ZNF142: variants seen among roughly 807,000 people sequenced by gnomAD.
ZNF142 encodes zinc finger protein 142.
A neutral mutation model predicts 132.1 loss-of-function variants in ZNF142; 96 were observed. The observed-to-expected ratio is 0.73, with a 90% CI of 0.62 to 0.86. The LOEUF (loss-of-function observed/expected upper bound fraction) is 0.86. ZNF142 is among the 40% of genes least tolerant of loss of function. The pLI is 0.00. For synonymous variants in ZNF142, 842 were observed against 890.1 expected, an observed-to-expected ratio of 0.95 and a Z score of 0.96; for missense variants, 2,163 against 2,336.2, an observed-to-expected ratio of 0.93 and a Z score of 1.53.
Position 218,650,380 on chromosome 2 carries a change from G to A in ZNF142, c.1027C>T (p.Gln343Ter), listed in dbSNP as rs181627115. The stretch of plus-strand genomic sequence containing the variant: ...TTACCTTCCAGCCGCTGAGCCCCTT[G>A]GCCTTTATCCACAGCCTTTTGGGAG... ...KDSQKAVDKG[Q>*]GAQRLEGDVV... Residue 343 changes from glutamine to a stop codon, truncating the protein, a stop_gained, in exon 6 of 11, where the codon CAA (glutamine) becomes TAA (stop). Transcript: ENST00000411696. LOFTEE classifies it high-confidence loss of function. The A allele has an allele frequency of 6.2e-7, 1 of 1,614,012 alleles. No individual in the cohort carries two copies. The highest frequency in any genetic ancestry group is 8.5e-7 in the Non-Finnish European group (1 of 1,180,026).
intron 8 of ZNF142, among the ~76,000 whole-genome samples, chr2:218,645,370 A>C (rs1414021193): frequency 6.6e-6 from 1 of 152,196 alleles, no homozygotes; most frequent in Non-Finnish European, 1.5e-5. Context: ...GAAAGTAATC[A>C]TGAATCAGCA....
rs760889570 is a variant in ZNF142, at chr2:218,642,872, A to G, written c.4244T>C (p.Leu1415Ser). 1.9e-6 allele frequency: 3 copies of G among 1,613,960 alleles called. No homozygotes were observed. The highest frequency in any genetic ancestry group is 2.5e-6 in the Non-Finnish European group (3 of 1,180,024). Residue 1415 changes from leucine to serine, a missense_variant, in exon 9 of 11, where the codon TTA (leucine) becomes TCA (serine). Physicochemically the swap from Leu to Ser is moderately radical, Grantham distance 145. Around this residue, in one of 7 missense-constraint regions of ZNF142, gnomAD observed 809 missense variants for 801.7 expected, o/e 1.01. Coordinates refer to ENST00000411696, the MANE Select transcript of ZNF142 (RefSeq NM_001379659.1). This position sits in a 1 kb window ranked among gnomAD's most constrained non-coding sequence, Gnocchi z 4.6. ...TGTGTGTCGGGACTGGTGAGCCTCTAACCGGTACCGTCTGGTGGTCGAAAA... is the reference window on the plus strand; with the variant it reads ...TGTGTGTCGGGACTGGTGAGCCTCTGACCGGTACCGTCTGGTGGTCGAAAA... ...CDFSTTRRYRLEAHQSRHTGI... is the reference protein window; with the variant it reads ...CDFSTTRRYRSEAHQSRHTGI...
chr2:218,641,127 CAG>C (rs1697148701), intron 9 of ZNF142, among the ~76,000 whole-genome samples: 1 of 152,126 alleles, frequency 6.6e-6, no homozygotes, highest in Middle Eastern at 3.4e-3. Context: ...TTTGTAAAGA[CAG>C]AGTCTCCATA....
At chr2:218,640,638 G>C (rs1250691084) in intron 10 of ZNF142, 26 bp downstream of exon 10, 1 of 1,607,014 alleles carries the variant, frequency 6.2e-7, no homozygotes. Context: ...GAACCCTTCA[G>C]GCCTGTCGAA....
In ZNF142 at chr2:218,649,150, T is replaced by C. The variant is rs1937736017; in HGVS notation, c.1358A>G (p.Tyr453Cys). 1.9e-6 allele frequency: 3 copies of C among 1,614,172 alleles called. No individual in the cohort carries two copies. The highest frequency in any genetic ancestry group is 2.5e-6 in the Non-Finnish European group (3 of 1,180,026). ...TTCCTCACGGCAGACAGGACAGGCA[T>C]AGGTGTCTGAGTAGAAGTTGGAAAT... is the stretch of plus-strand genomic sequence containing the variant. ...EDISNFYSDTYACPVCREEFR... is the reference protein window; with the variant it reads ...EDISNFYSDTCACPVCREEFR... The change falls in exon 7 of 11, where the codon TAT (tyrosine) becomes TGT (cysteine). Residue 453 changes from tyrosine to cysteine, a missense_variant. Around this residue, in one of 7 missense-constraint regions of ZNF142, gnomAD observed 749 missense variants for 830.3 expected, o/e 0.90. Transcript: ENST00000411696.
At chr2:218,641,839 A>G (rs1697220402) in intron 9 of ZNF142, among the ~76,000 whole-genome samples, 189 bp downstream of exon 9, 1 of 152,252 alleles carries the variant, frequency 6.6e-6, no homozygotes, top group African/African-American at 2.4e-5. Context: ...ATGGAACTTT[A>G]TCTTTACAAC....
intron 7 of ZNF142, 63 bp from the exon 8 acceptor site, chr2:218,646,411 C>A (rs1390248743): frequency 1.9e-6 from 3 of 1,567,560 alleles, no homozygotes; most frequent in East Asian, 4.5e-5. Flanking sequence ...AGTGGACAGA[C>A]CATTTCTTCC....
At chr2:218,650,803 G>C (rs1427588732) in intron 5 of ZNF142, among the ~76,000 whole-genome samples, 4 of 152,132 alleles carry the variant, frequency 2.6e-5, no homozygotes, top group African/African-American at 9.7e-5. Context: ...GAGGTCATAG[G>C]GGGCTGAAAG....
At position 218,642,162 on chromosome 2, in the gene ZNF142, A is replaced by G; in HGVS notation, c.4954T>C (p.Tyr1652His). The change falls in exon 9 of 11, where the codon TAC (tyrosine) becomes CAC (histidine). Residue 1652 changes from tyrosine to histidine, a missense_variant. Coordinates refer to ENST00000411696, the MANE Select transcript of ZNF142 (RefSeq NM_001379659.1). This position sits in a 1 kb window ranked among gnomAD's most constrained non-coding sequence, Gnocchi z 4.6. ...HVKGHGGTRL[Y>H]KCTDCAYSTK... ...CTGTAAGCACAATCGGTGCACTTGTAGAGACGAGTGCCCCCATGCCCTTTC... is the reference window on the plus strand; with the variant it reads ...CTGTAAGCACAATCGGTGCACTTGTGGAGACGAGTGCCCCCATGCCCTTTC... 1.2e-6 allele frequency: 2 copies of G among 1,614,160 alleles called. No individual in the cohort carries two copies. Among genetic ancestry groups the G allele is most frequent in the Non-Finnish European group, 8.5e-7 (1 of 1,180,028 alleles).
chr2:218,642,721 A>C lies in ZNF142; in HGVS notation c.4395T>G (p.Ser1465Arg). 1 of 1,614,186 alleles carries C rather than the reference A, an allele frequency of 6.2e-7. No individual in the cohort carries two copies. The highest frequency in any genetic ancestry group is 8.5e-7 in the Non-Finnish European group (1 of 1,180,032). The change falls in exon 9 of 11, where the codon AGT (serine) becomes AGG (arginine). Residue 1465 changes from serine (S) to arginine (R), a missense_variant. By Grantham distance (110) the Ser-to-Arg change is moderately radical (BLOSUM62 -1). Around this residue, in one of 7 missense-constraint regions of ZNF142, gnomAD observed 809 missense variants for 801.7 expected, o/e 1.01. Transcript: ENST00000411696. This position sits in a 1 kb window ranked among gnomAD's most constrained non-coding sequence, Gnocchi z 4.6. ...GAGTGATGTCATGGCGAAGGTAGCC[A>C]CTATAGTCACAAAGTGGACAGAAGT... ...PTHFCPLCDY[S>R]GYLRHDITRH...
At chr2:218,641,523 CG>C (rs776926909) in intron 9 of ZNF142, among the ~76,000 whole-genome samples, 15 of 151,884 alleles carry the variant, frequency 9.9e-5, no homozygotes, top group Non-Finnish European at 1.9e-4. Flanking sequence ...GGATTACAGG[CG>C]TGAGCCACCG....
Position 218,648,738 on chromosome 2 carries a change from A to G in ZNF142, c.1770T>C (p.His590=), listed in dbSNP as rs773658906. ...ATFNPVAYQD[H]VGKMHAHEKI... ...TTTCATGAGCATGCATCTTGCCTAC[A>G]TGATCCTGGTAAGCCACTGGGTTGA... Residue 590 remains histidine (H), a synonymous_variant, in exon 7 of 11, where the codon CAT becomes CAC. Coordinates refer to ENST00000411696, the MANE Select transcript of ZNF142 (RefSeq NM_001379659.1). 2.5e-6 allele frequency: 4 copies of G among 1,614,152 alleles called. No homozygotes were observed. The African/African-American group carries it at 4.0e-5, about 16-fold the overall frequency.
chr2:218,640,570 G>T, intron 10 of ZNF142, 94 bp downstream of exon 10: 3 of 1,068,076 alleles, frequency 2.8e-6, no homozygotes, highest in Non-Finnish European at 4.3e-6. Flanking sequence ...AATTGATGTT[G>T]GCCCTGAATT....
At chr2:218,653,865 G>T (rs993169785) in intron 4 of ZNF142, among the ~76,000 whole-genome samples, 1 of 152,018 alleles carries the variant, frequency 6.6e-6, no homozygotes, top group Non-Finnish European at 1.5e-5. Context: ...GCTGGTGGTG[G>T]GGGAAACAAG....
At chr2:218,657,954 C>T (rs1938707132) in intron 3 of ZNF142, among the ~76,000 whole-genome samples, 1 of 152,178 alleles carries the variant, frequency 6.6e-6, no homozygotes, top group South Asian at 2.1e-4. Flanking sequence ...ATCGAAGATT[C>T]CAGTGAAGAA....
At chr2:218,646,466 C>T in intron 7 of ZNF142, 118 bp from the exon 8 acceptor site, 1 of 1,177,136 alleles carries the variant, frequency 8.5e-7, no homozygotes, top group Non-Finnish European at 1.2e-6. Flanking sequence ...GCTTCATGTG[C>T]TACCTGAGAT....
At position 218,642,662 on chromosome 2, in the gene ZNF142, G is replaced by A; in HGVS notation, c.4454C>T (p.Ala1485Val). ...GGCTTCACACTGGGAGCAGGCAAAGGCTGGGGTGCCTTGGTGGCAGCTGTT... is the reference window on the plus strand; with the variant it reads ...GGCTTCACACTGGGAGCAGGCAAAGACTGGGGTGCCTTGGTGGCAGCTGTT... Reference protein sequence around the residue: ...HVNSCHQGTPAFACSQCEAQF... With the variant: ...HVNSCHQGTPVFACSQCEAQF... Residue 1485 changes from alanine to valine, a missense_variant, in exon 9 of 11, where the codon GCC becomes GTC. Physicochemically the swap from Ala to Val is moderately conservative, Grantham distance 64. Coordinates refer to ENST00000411696, the MANE Select transcript of ZNF142 (RefSeq NM_001379659.1). This position sits in a 1 kb window ranked among gnomAD's most constrained non-coding sequence, Gnocchi z 4.6. 1 of 1,614,136 alleles carries A rather than the reference G, an allele frequency of 6.2e-7. No individual in the cohort carries two copies. Among genetic ancestry groups the A allele is most frequent in the Non-Finnish European group, 8.5e-7 (1 of 1,180,036 alleles).
chr2:218,653,522 C>T (rs1429128244), intron 4 of ZNF142, among the ~76,000 whole-genome samples: 2 of 151,788 alleles, frequency 1.3e-5, no homozygotes, highest in Non-Finnish European at 2.9e-5. Flanking sequence ...TTGCAGCGAG[C>T]CAAGATCACG....
In ZNF142 at chr2:218,644,504, C is replaced by G; in HGVS notation, c.2612G>C (p.Ser871Thr). The G allele has an allele frequency of 6.2e-7, 1 of 1,614,052 alleles. No homozygotes were observed. Among genetic ancestry groups the G allele is most frequent in the Non-Finnish European group, 8.5e-7 (1 of 1,180,030 alleles). The part of the protein sequence containing the change: ...EEVNTGRQEG[S>T]EAPHGGDLGG... ...CAGGTCACCCCCATGGGGAGCCTCA[C>G]TGCCCTCCTGTCTTCCAGTGTTGAC... Residue 871 changes from serine to threonine, a missense_variant, in exon 9 of 11, where the codon AGT becomes ACT. Physicochemically the swap from Ser to Thr is moderately conservative, Grantham distance 58 (BLOSUM62 1). This residue lies in a region of ZNF142 where 749 missense variants were observed against 830.3 expected (regional missense o/e 0.90). Transcript: ENST00000411696. The surrounding 1 kb of genome is among the most constrained non-coding windows in gnomAD (Gnocchi z 4.6).
Sources: allele counts gnomAD v4.1 joint callset (sites outside exome capture counted in the v4.1 genomes callset), GRCh38; gene constraint gnomAD v4.1.1; regional missense constraint gnomAD v4.1.1; non-coding constraint Gnocchi (gnomAD v3.1); transcripts MANE v1.5; gene names NCBI Gene and HGNC (gene_info 2026-07-23, HGNC 2026-07-21).